STK3: variants seen among roughly 807,000 people sequenced by gnomAD.
STK3 encodes the protein serine/threonine kinase 3.
STK3 carries 41 observed loss-of-function variants against 58.0 expected under a neutral mutation model. The observed-to-expected ratio is 0.71, with a 90% confidence interval of 0.55 to 0.92. STK3 has a LOEUF of 0.92. Among genes scored for constraint, STK3 ranks in the 40% least tolerant of loss-of-function variants. STK3 has a pLI of 0.00. For synonymous variants in STK3, 170 were observed against 191.0 expected, an observed-to-expected ratio of 0.89 and a Z score of 0.91; for missense variants, 479 against 602.7, an observed-to-expected ratio of 0.79 and a Z score of 2.15.
At chr8:98,406,652 C>A (rs983140412) in intron 3 of STK3, among the ~76,000 whole-genome samples, 6 of 152,180 alleles carry the variant, frequency 3.9e-5, no homozygotes, top group African/African-American at 1.4e-4. Flanking sequence ...AAATCTGGCT[C>A]TAGCCTGACT....
chr8:98,651,119 C>T (rs1269873351), intron 6 of STK3, among the ~76,000 whole-genome samples: 4 of 152,326 alleles, frequency 2.6e-5, no homozygotes, highest in East Asian at 1.9e-4. Flanking sequence ...ACACCTCACA[C>T]GGCCGGGTAC....
chr8:98,417,942 C>G (rs995785075), intron 3 of STK3, among the ~76,000 whole-genome samples: 12 of 152,106 alleles, frequency 7.9e-5, no homozygotes, highest in African/African-American at 2.9e-4. Context: ...CAGGGTCTCA[C>G]TCTGTTGCCC....
At chr8:98,495,439 T>C (rs1244472687) in intron 10 of STK3, among the ~76,000 whole-genome samples, 1 of 152,116 alleles carries the variant, frequency 6.6e-6, no homozygotes, top group Non-Finnish European at 1.5e-5. Flanking sequence ...GCTCTGACCA[T>C]GAAAAATGTT....
At chr8:98,500,575 A>T (rs1286902426) in intron 10 of STK3, among the ~76,000 whole-genome samples, 1 of 150,894 alleles carries the variant, frequency 6.6e-6, no homozygotes, top group Non-Finnish European at 1.5e-5. Flanking sequence ...AAGTGTTCTC[A>T]CTGTTCAATT....
At chr8:98,383,507 C>T (rs1034576066) in intron 1 of STK3, among the ~76,000 whole-genome samples, 8 of 152,232 alleles carry the variant, frequency 5.3e-5, no homozygotes, top group Non-Finnish European at 1.2e-4. Context: ...AATACTGGCT[C>T]ACCGTGGCCA....
intron 1 of STK3, among the ~76,000 whole-genome samples, chr8:98,939,288 A>G (rs1233156206): frequency 6.6e-6 from 1 of 152,212 alleles, no homozygotes; most frequent in Non-Finnish European, 1.5e-5. Flanking sequence ...CCCAATGTCA[A>G]TCTGATCTAG....
At chr8:98,859,495 TAGGCGTCACTG>T (rs1836847418) in intron 3 of STK3, among the ~76,000 whole-genome samples, 1 of 152,218 alleles carries the variant, frequency 6.6e-6, no homozygotes, top group Non-Finnish European at 1.5e-5. Context: ...CACAGGAATC[TAGGCGTCACTG>T]AGGCTGCTTT....
chr8:98,379,887 G>C (rs774201208), intron 1 of STK3, among the ~76,000 whole-genome samples: 5 of 152,116 alleles, frequency 3.3e-5, no homozygotes, highest in Non-Finnish European at 5.9e-5. Context: ...CAAAGATATG[G>C]AAACAACACA....
At chr8:98,743,152 T>C (rs1404718778) in intron 4 of STK3, among the ~76,000 whole-genome samples, 1 of 151,876 alleles carries the variant, frequency 6.6e-6, no homozygotes, top group Non-Finnish European at 1.5e-5. Context: ...ATGGCCATAC[T>C]GCCCAAGGTA....
At chr8:98,755,384 G>T (rs1830225261) in intron 3 of STK3, among the ~76,000 whole-genome samples, 1 of 152,172 alleles carries the variant, frequency 6.6e-6, no homozygotes. Flanking sequence ...AAGAAAAGAA[G>T]AAAGGGTGCT....
At chr8:98,651,126 G>A (rs1820883483) in intron 6 of STK3, among the ~76,000 whole-genome samples, 2 of 152,204 alleles carry the variant, frequency 1.3e-5, no homozygotes, top group South Asian at 4.1e-4. Flanking sequence ...ACACGGCCGG[G>A]TACTCCTCTG....
chr8:98,885,426 TTTTTGTTTTGTTTTGTG>T (rs370472583), intron 1 of STK3, among the ~76,000 whole-genome samples: 10,417 of 152,144 alleles, frequency 0.068, 431 homozygotes, highest in South Asian at 0.1. Context: ...TAGGTTTTTG[TTTTTGTTTTGTTTTGTG>T]TTTTGTTTTG....
intron 1 of STK3, among the ~76,000 whole-genome samples, chr8:98,907,846 T>A (rs1018317216): frequency 2.0e-5 from 3 of 152,230 alleles, no homozygotes; most frequent in Non-Finnish European, 2.9e-5. Flanking sequence ...ATATGTTTTT[T>A]AATTATCTTT....
At chr8:98,781,145 G>A (rs904556309) in intron 1 of STK3, among the ~76,000 whole-genome samples, 1 of 152,162 alleles carries the variant, frequency 6.6e-6, no homozygotes, top group African/African-American at 2.4e-5. Flanking sequence ...CCCAAGAGAA[G>A]GAGAAGAAAT....
chr8:98,816,824 G>A (rs1053258596), intron 1 of STK3, among the ~76,000 whole-genome samples: 5 of 152,036 alleles, frequency 3.3e-5, no homozygotes, highest in African/African-American at 7.2e-5. Context: ...GTGAGCCACC[G>A]TGTCTGGCCA....
intron 3 of STK3, among the ~76,000 whole-genome samples, chr8:98,424,388 C>G (rs1370742716): frequency 6.6e-6 from 1 of 152,120 alleles, no homozygotes; most frequent in Non-Finnish European, 1.5e-5. Context: ...TGGCACAGCT[C>G]TCTCAGCTGG....
chr8:98,523,413 C>A (rs1354352460), intron 10 of STK3, among the ~76,000 whole-genome samples: 3 of 145,092 alleles, frequency 2.1e-5, no homozygotes, highest in Non-Finnish European at 3.0e-5. Context: ...CTCGCTCTGT[C>A]ACCCAGGCTG....
In STK3 at chr8:98,478,423, G is replaced by C. The variant is rs532960226; in HGVS notation, c.1318-22423C>G. 5.9e-5 allele frequency among the ~76,000 whole-genome samples: 9 copies of C among 152,254 alleles called. No individual in the cohort carries two copies. The South Asian group carries it at 1.9e-3, about 32-fold the overall frequency. ...ATCCATCGAGTTCGCCTCCCGAGCA[G>C]AGCAAAGAACTGAAACATGCGAGAG... On this transcript the variant is annotated intron_variant, in intron 10 of 10. Coordinates refer to ENST00000419617, the MANE Select transcript of STK3 (RefSeq NM_006281.4).
At chr8:98,674,975 T>C (rs954410619) in intron 6 of STK3, among the ~76,000 whole-genome samples, 3 of 150,050 alleles carry the variant, frequency 2.0e-5, no homozygotes, top group African/African-American at 7.4e-5. Context: ...TGGAATTAAA[T>C]TATTAGAATA....
Sources: gnomAD v4.1 joint callset for allele counts (sites outside exome capture counted in the v4.1 genomes callset) on GRCh38, gnomAD v4.1.1 for gene constraint, MANE v1.5 for transcripts, NCBI Gene and HGNC (gene_info 2026-07-23, HGNC 2026-07-21) for gene names.